Variants in CNTN3 observed in about 807,000 individuals in gnomAD.
The protein encoded by CNTN3 is contactin 3, also known as contactin-3.
Under a neutral mutation model 119.1 loss-of-function variants are expected in CNTN3, and 60 were observed. The ratio of observed to expected loss-of-function variants is 0.50; its 90% CI spans 0.41 to 0.62. CNTN3 has a LOEUF of 0.62. Ranked by LOEUF, CNTN3 falls within the 20% of genes least tolerant of loss-of-function variation. CNTN3 has a pLI of 0.00. For missense variants in CNTN3, 1,101 were observed against 1,242.4 expected (o/e 0.89, Z 1.71); for synonymous variants, 450 against 438.7 (o/e 1.03, Z -0.32).
At chr3:74,296,268 G>A (rs948272353) in intron 18 of CNTN3, among the ~76,000 whole-genome samples, 7 of 152,170 alleles carry the variant, frequency 4.6e-5, no homozygotes, top group African/African-American at 1.7e-4. Context: ...GAAGAAAAAT[G>A]AGGGAGGCAA....
intron 1 of CNTN3, among the ~76,000 whole-genome samples, chr3:74,562,053 T>A (rs80155412): frequency 0.037 from 5,638 of 152,266 alleles, 141 homozygotes; most frequent in South Asian, 0.068. Flanking sequence ...GCCTGACTCA[T>A]CTGAGACAGT....
At chr3:74,352,129 A>G (rs1169931424) in intron 11 of CNTN3, among the ~76,000 whole-genome samples, 1 of 152,206 alleles carries the variant, frequency 6.6e-6, no homozygotes, top group African/African-American at 2.4e-5. Context: ...TATTTTCACG[A>G]TCATATGTGA....
intron 3 of CNTN3, among the ~76,000 whole-genome samples, chr3:74,495,017 T>C (rs191972392): frequency 3.7e-4 from 57 of 152,190 alleles, no homozygotes; most frequent in African/African-American, 1.3e-3. Flanking sequence ...CTACCTCTGT[T>C]TGCCTCAGGC....
chr3:74,284,961 A>C (rs1387336011), intron 20 of CNTN3, among the ~76,000 whole-genome samples: 1 of 152,232 alleles, frequency 6.6e-6, no homozygotes, highest in Non-Finnish European at 1.5e-5. Flanking sequence ...TAACTTATTC[A>C]TGCTTATCAG....
chr3:74,330,313 G>GCC (rs1450803799), intron 13 of CNTN3, among the ~76,000 whole-genome samples: 1 of 151,464 alleles, frequency 6.6e-6, no homozygotes, highest in Non-Finnish European at 1.5e-5. Flanking sequence ...TCAAGATCGT[G>GCC]CCACTGCACT....
At chr3:74,520,148 G>A (rs1453067095) in intron 2 of CNTN3, among the ~76,000 whole-genome samples, 1 of 149,640 alleles carries the variant, frequency 6.7e-6, no homozygotes, top group Non-Finnish European at 1.5e-5. Context: ...GTAGAAAAGT[G>A]GTCTTCTAAG....
At chr3:74,594,273 C>CTTTTTTTTTTTTT (rs59436860) in intron 1 of CNTN3, among the ~76,000 whole-genome samples, 19 of 112,032 alleles carry the variant, frequency 1.7e-4, no homozygotes, top group African/African-American at 3.9e-4. Context: ...TTCTTTTTTT[C>CTTTTTTTTTTTTT]TTTTTTTTTT....
intron 1 of CNTN3, among the ~76,000 whole-genome samples, chr3:74,603,576 AT>A (rs1372895911): frequency 6.6e-6 from 1 of 152,168 alleles, no homozygotes; most frequent in East Asian, 1.9e-4. Flanking sequence ...CGACTGTTAC[AT>A]TTATACAACA....
rs1414734059 is a variant in CNTN3 at position 74,299,889 on chromosome 3, A to G, written c.2145T>C (p.Ser715=). The change falls in exon 17 of 23, where the codon TCT becomes TCC. Residue 715 remains serine (S), a synonymous_variant. Transcript: ENST00000263665. ...SEVNGGGGSR[S]ELVITWDPVP... ...TTACATCCCAGGTTATCACAAGTTC[A>G]GACCGGCTTCCGCCTCCTCCATTGA... The G allele has an allele frequency of 1.2e-6, 2 of 1,606,786 alleles. No homozygotes were observed. Among genetic ancestry groups the G allele is most frequent in the Non-Finnish European group, 1.7e-6 (2 of 1,176,876 alleles).
chr3:74,596,983 T>C (rs1446958337), intron 1 of CNTN3, among the ~76,000 whole-genome samples: 1 of 152,000 alleles, frequency 6.6e-6, no homozygotes, highest in East Asian at 1.9e-4. Context: ...TGCCCTGAAA[T>C]TCAGTTGGAT....
intron 4 of CNTN3, among the ~76,000 whole-genome samples, chr3:74,450,492 C>G (rs889335151): frequency 2.2e-4 from 26 of 116,898 alleles, no homozygotes; most frequent in Middle Eastern, 4.3e-3. Context: ...TATGGTTTAT[C>G]TGAAGCCCTG....
At chr3:74,519,792 T>C (rs1025678167) in intron 2 of CNTN3, among the ~76,000 whole-genome samples, 2 of 151,732 alleles carry the variant, frequency 1.3e-5, no homozygotes, top group African/African-American at 2.4e-5. Context: ...CAGTACTTGA[T>C]GAGTAGCAGT....
intron 4 of CNTN3, among the ~76,000 whole-genome samples, chr3:74,449,332 G>A (rs1275374735): frequency 6.6e-6 from 1 of 151,906 alleles, no homozygotes; most frequent in Non-Finnish European, 1.5e-5. Flanking sequence ...TACCACTGCA[G>A]TACAGAGTTT....
chr3:74,593,824 C>T (rs1704743588), intron 1 of CNTN3, among the ~76,000 whole-genome samples: 1 of 151,926 alleles, frequency 6.6e-6, no homozygotes, highest in Admixed American at 6.6e-5. Flanking sequence ...AAATGCCTCA[C>T]GGACTTGGAA....
At chr3:74,410,178 C>G (rs530212695) in intron 5 of CNTN3, among the ~76,000 whole-genome samples, 1 of 152,290 alleles carries the variant, frequency 6.6e-6, no homozygotes, top group East Asian at 1.9e-4. Flanking sequence ...TTACTCTCTA[C>G]TCTTGTACTG....
rs116263596 is a variant in CNTN3 at position 74,545,237 on chromosome 3, A to T, written c.-80-24045T>A. Among the ~76,000 whole-genome samples, 654 of 152,326 alleles carry T rather than the reference A, an allele frequency of 4.3e-3. 6 individuals are homozygous for T. The highest frequency in any genetic ancestry group is 0.015 in the African/African-American group (623 of 41,578). ...TAGGATGTCTATTATTTGTTTTTAA[A>T]ATTTCTAAATAGAAAGCTACTTAAA... is the stretch of plus-strand genomic sequence containing the variant. On this transcript the variant is annotated intron_variant, in intron 1 of 22. Coordinates refer to ENST00000263665, the MANE Select transcript of CNTN3 (RefSeq NM_020872.3).
chr3:74,406,232 G>GAAGAAA (rs1705320094), intron 5 of CNTN3, among the ~76,000 whole-genome samples: 1 of 152,070 alleles, frequency 6.6e-6, no homozygotes, highest in Non-Finnish European at 1.5e-5. Flanking sequence ...ATGATCAGAA[G>GAAGAAA]ATATTATTTT....
Position 74,298,092 on chromosome 3 carries a change from G to C in CNTN3, c.2266C>G (p.Pro756Ala). Reference sequence around the variant, plus strand: ...CTAAAGACATATCTTGGGGTGTCAGGGGATGTCACCACTGTCTGGATCCAG... The same window carrying C: ...CTAAAGACATATCTTGGGGTGTCAGCGGATGTCACCACTGTCTGGATCCAG... ...TTWIQTVVTS[P>A]DTPRYVFRNE... is the part of the protein sequence containing the mutation. The change falls in exon 18 of 23, where the codon CCT becomes GCT. Residue 756 changes from proline (P) to alanine (A), a missense_variant. Transcript: ENST00000263665. 1 of 1,613,808 alleles carries C rather than the reference G, an allele frequency of 6.2e-7. No homozygotes were observed. Among genetic ancestry groups the C allele is most frequent in the Non-Finnish European group, 8.5e-7 (1 of 1,179,810 alleles).
intron 4 of CNTN3, among the ~76,000 whole-genome samples, chr3:74,441,534 T>G (rs1336768905): frequency 6.6e-6 from 1 of 152,162 alleles, no homozygotes; most frequent in African/African-American, 2.4e-5. Flanking sequence ...ATTAGTTTAG[T>G]AGAACCCCAC....
Sources: allele counts gnomAD v4.1 joint callset (sites outside exome capture counted in the v4.1 genomes callset), GRCh38; gene constraint gnomAD v4.1.1; transcripts MANE v1.5; gene names NCBI Gene and HGNC (gene_info 2026-07-23, HGNC 2026-07-21).